The following PPFIA1 variants were observed in gnomAD, a reference collection of about 807,000 sequenced individuals.
PPFIA1 encodes the protein liprin-alpha-1.
PPFIA1 carries 25 observed loss-of-function variants against 149.9 expected under a neutral mutation model. The ratio of observed to expected loss-of-function variants is 0.17; its 90% CI spans 0.12 to 0.23. PPFIA1 has a LOEUF of 0.23. Among genes scored for constraint, PPFIA1 ranks in the 10% least tolerant of loss-of-function variants. The pLI is 1.00. For missense variants in PPFIA1, 1,362 were observed against 1,506.5 expected (o/e 0.90, Z 1.59); for synonymous variants, 549 against 552.8 (o/e 0.99, Z 0.10).
At chr11:70,346,582 G>A (rs2055718313) in intron 15 of PPFIA1, among the ~76,000 whole-genome samples, 1 of 152,178 alleles carries the variant, frequency 6.6e-6, no homozygotes, top group African/African-American at 2.4e-5. Context: ...CAGGCATGGG[G>A]GCCCTTTGAA....
chr11:70,314,406 G>A (rs774627930), intron 2 of PPFIA1, among the ~76,000 whole-genome samples: 9 of 152,168 alleles, frequency 5.9e-5, no homozygotes, highest in Non-Finnish European at 1.2e-4. Context: ...TGTGGACACC[G>A]TGTATTCTGG....
At chr11:70,285,563 C>T (rs1270532719) in intron 2 of PPFIA1, among the ~76,000 whole-genome samples, 20 of 151,460 alleles carry the variant, frequency 1.3e-4, no homozygotes, top group Admixed American at 1.2e-3. Context: ...AGCTGTAATC[C>T]CAGCTACTCG....
chr11:70,277,060 A>ATATATATATATATATTTT, intron 2 of PPFIA1, among the ~76,000 whole-genome samples: 20 of 66,308 alleles, frequency 3.0e-4, no homozygotes, highest in African/African-American at 2.2e-3. Context: ...ATATATATAT[A>ATATATATATATATATTTT]TTTTTTTTTT....
At chr11:70,286,719 C>T (rs1489581247) in intron 2 of PPFIA1, among the ~76,000 whole-genome samples, 2 of 148,872 alleles carry the variant, frequency 1.3e-5, no homozygotes, top group African/African-American at 5.0e-5. Flanking sequence ...TCTGCAGTAT[C>T]TTATCCCTTT....
At chr11:70,332,889 C>G (rs901595464) in intron 9 of PPFIA1, 5 of 389,322 alleles carry the variant, frequency 1.3e-5, no homozygotes, top group Non-Finnish European at 2.6e-5. Context: ...TTTTAGGGCT[C>G]ACACACCTGT....
chr11:70,350,019 G>A (rs1324347005), intron 16 of PPFIA1: 1 of 448,350 alleles, frequency 2.2e-6, no homozygotes. Context: ...ATGCTATAGC[G>A]ATTCTTCACA....
intron 2 of PPFIA1, among the ~76,000 whole-genome samples, chr11:70,308,287 A>G (rs2053007002): frequency 6.6e-6 from 1 of 152,184 alleles, no homozygotes; most frequent in South Asian, 2.1e-4. Context: ...ACCTCAAGTG[A>G]TCTGCCTACC....
At chr11:70,301,210 T>G (rs2052466854) in intron 2 of PPFIA1, among the ~76,000 whole-genome samples, 1 of 152,212 alleles carries the variant, frequency 6.6e-6, no homozygotes, top group African/African-American at 2.4e-5. Flanking sequence ...GTAGACTTGA[T>G]GAGAACTAAC....
chr11:70,314,672 C>A (rs993977800), intron 2 of PPFIA1, among the ~76,000 whole-genome samples: 1 of 151,890 alleles, frequency 6.6e-6, no homozygotes, highest in Non-Finnish European at 1.5e-5. Context: ...TATGGAAATG[C>A]GGTTCTGTAC....
intron 2 of PPFIA1, among the ~76,000 whole-genome samples, chr11:70,296,100 C>T (rs1381608056): frequency 4.6e-5 from 7 of 151,894 alleles, no homozygotes; most frequent in South Asian, 4.1e-4. Context: ...TGGGCAGAGA[C>T]GCTCCTCACT....
chr11:70,326,253 TGC>T lies in PPFIA1; in HGVS notation c.607-8_607-7del. 2 of 1,506,638 alleles carry T rather than the reference TGC, an allele frequency of 1.3e-6. No individual in the cohort carries two copies. The highest frequency in any genetic ancestry group is 1.2e-5 in the South Asian group (1 of 84,044). 93.3% of individuals were successfully genotyped at this position (1,506,638 alleles called of 1,614,324 possible). A position where few individuals can be genotyped will look rare whatever the true frequency, so the allele number is the denominator to read the frequency against. On this transcript the variant is annotated splice_polypyrimidine_tract_variant and splice_region_variant and intron_variant, in intron 5 of 27. Transcript: ENST00000253925. The stretch of plus-strand genomic sequence containing the variant: ...TATTTTACACTCATATTCAATTTTT[TGC>T]TTTCAGCTAATGATTCTTAAAGAAC...
chr11:70,304,157 G>T (rs1391642862), intron 2 of PPFIA1, among the ~76,000 whole-genome samples: 2 of 152,180 alleles, frequency 1.3e-5, no homozygotes, highest in Non-Finnish European at 2.9e-5. Context: ...TCATGCCTAT[G>T]TAACAAAGCC....
At chr11:70,382,969 A>G (rs1452736256) in intron 27 of PPFIA1, 34 bp from the exon 28 acceptor site, 1 of 397,122 alleles carries the variant, frequency 2.5e-6, no homozygotes. Context: ...CCCGGCCTGT[A>G]CTGAGTGGTT....
chr11:70,365,481 C>T (rs1000794773), intron 21 of PPFIA1: 3 of 455,852 alleles, frequency 6.6e-6, no homozygotes, highest in Admixed American at 2.4e-5. Context: ...GCGTTTTCCA[C>T]TTAAGACCGT....
At chr11:70,367,673 G>A (rs2057015169) in intron 21 of PPFIA1, 1 of 453,514 alleles carries the variant, frequency 2.2e-6, no homozygotes, top group African/African-American at 2.0e-5. Context: ...GGGAGTTCAT[G>A]TTATAGGCCA....
Position 70,343,673 on chromosome 11 carries a change from A to G in PPFIA1, c.1712A>G (p.Gln571Arg). The G allele has an allele frequency of 6.2e-7, 1 of 1,614,138 alleles. No individual in the cohort carries two copies. The highest frequency in any genetic ancestry group is 8.5e-7 in the Non-Finnish European group (1 of 1,179,948). The change falls in exon 15 of 28, where the codon CAA becomes CGA. Residue 571 changes from glutamine to arginine, a missense_variant. Physicochemically the swap from Gln to Arg is conservative, Grantham distance 43. Transcript: ENST00000253925. ...ATTTGGTTTTCTTGTTTATAGGTAC[A>G]AACTCTTAATGAGCAGGATTGGGAA... ...AALRDEPSKV[Q>R]TLNEQDWERA...
At chr11:70,355,213 T>A (rs1037498927) in intron 17 of PPFIA1, among the ~76,000 whole-genome samples, 2 of 152,238 alleles carry the variant, frequency 1.3e-5, no homozygotes, top group Admixed American at 6.5e-5. Context: ...CCTCTTTTTT[T>A]AAATTCCATT....
At chr11:70,283,877 C>T in intron 2 of PPFIA1, 1 of 466,630 alleles carries the variant, frequency 2.1e-6, no homozygotes, top group Non-Finnish European at 4.4e-6. Context: ...AAACATTCTG[C>T]AGTGGAGCCC....
At chr11:70,323,206 A>G (rs1348974065) in intron 2 of PPFIA1, among the ~76,000 whole-genome samples, 3 of 152,056 alleles carry the variant, frequency 2.0e-5, no homozygotes. Flanking sequence ...GAGAGTGCCC[A>G]GGGTTTAAAT....
Sources: gnomAD v4.1 joint callset for allele counts (sites outside exome capture counted in the v4.1 genomes callset) on GRCh38, gnomAD v4.1.1 for gene constraint, MANE v1.5 for transcripts, NCBI Gene and HGNC (gene_info 2026-07-23, HGNC 2026-07-21) for gene names.